TENM3: variants seen among roughly 807,000 people sequenced by gnomAD.
TENM3 encodes the protein teneurin-3.
In TENM3, 63 loss-of-function variants were observed where a neutral mutation model predicts 255.1. That is an observed-to-expected ratio of 0.25 (90% CI 0.20 to 0.30). The LOEUF is 0.30. Among genes scored for constraint, TENM3 ranks in the 10% least tolerant of loss-of-function variants. The probability of loss-of-function intolerance (pLI) is 1.00; values close to 1 mark genes in which losing one functional copy is unlikely to be tolerated. For missense variants in TENM3, 2,929 were observed against 3,461.1 expected (o/e 0.85, Z 3.86); for synonymous variants, 1,306 against 1,322.3 (o/e 0.99, Z 0.27).
At chr4:181,853,777 A>T in the TENM3 span, among the ~76,000 whole-genome samples, 4 of 152,238 alleles carry the variant, frequency 2.6e-5, no homozygotes, top group Non-Finnish European at 5.9e-5. Context: ...CGGAGGGTTA[A>T]GAGGAGGTGC....
At chr4:182,749,577 G>A (rs1762234157) in intron 19 of TENM3, among the ~76,000 whole-genome samples, 1 of 152,112 alleles carries the variant, frequency 6.6e-6, no homozygotes, top group Non-Finnish European at 1.5e-5. Flanking sequence ...TATATAGTTC[G>A]TGTAATCCTC....
chr4:182,784,811 G>A (rs577272987), intron 24 of TENM3, among the ~76,000 whole-genome samples: 132 of 152,190 alleles, frequency 8.7e-4, no homozygotes, highest in Non-Finnish European at 1.5e-3. Flanking sequence ...GGAGTGACCC[G>A]ATTTTCCAGG....
At chr4:182,631,447 G>A (rs1261918736) in intron 5 of TENM3, 1 of 152,036 alleles carries the variant, frequency 6.6e-6, no homozygotes, top group African/African-American at 2.4e-5. Context: ...TTTTTAATCA[G>A]GTAAAAAAAT....
At chr4:181,513,810 A>G in the TENM3 span, among the ~76,000 whole-genome samples, 2 of 152,310 alleles carry the variant, frequency 1.3e-5, no homozygotes, top group Middle Eastern at 3.4e-3. Flanking sequence ...CCTGAAGTTC[A>G]TACCGTTTAA....
At chr4:182,346,111 A>AG (rs1408090046) in intron 2 of TENM3, among the ~76,000 whole-genome samples, 11 of 152,094 alleles carry the variant, frequency 7.2e-5, no homozygotes, top group Admixed American at 2.0e-4. Flanking sequence ...ATACATACAA[A>AG]ATACTACGTG....
chr4:182,416,107 T>G (rs1770341129), intron 3 of TENM3, among the ~76,000 whole-genome samples: 1 of 152,214 alleles, frequency 6.6e-6, no homozygotes, highest in Non-Finnish European at 1.5e-5. Context: ...TTTGTGAAAA[T>G]TTGAATAATA....
At chr4:182,151,505 A>G (rs1436728586) in intron 1 of TENM3, among the ~76,000 whole-genome samples, 1 of 152,106 alleles carries the variant, frequency 6.6e-6, no homozygotes, top group African/African-American at 2.4e-5. Context: ...CTCTTAAGAA[A>G]ATTGGCACAG....
chr4:181,474,565 C>G, the TENM3 span, among the ~76,000 whole-genome samples: 1 of 151,926 alleles, frequency 6.6e-6, no homozygotes, highest in Admixed American at 6.6e-5. Context: ...GAAACGCCAT[C>G]TCTACTAAAA....
At chr4:182,256,301 G>T (rs971378998) in intron 1 of TENM3, among the ~76,000 whole-genome samples, 1 of 152,096 alleles carries the variant, frequency 6.6e-6, no homozygotes, top group Non-Finnish European at 1.5e-5. Flanking sequence ...TTCATTGTGG[G>T]GCTAGTTCCA....
At chr4:182,425,655 T>C (rs1365504864) in intron 3 of TENM3, among the ~76,000 whole-genome samples, 1 of 152,128 alleles carries the variant, frequency 6.6e-6, no homozygotes, top group African/African-American at 2.4e-5. Flanking sequence ...TGTATCAAAA[T>C]ATATTGCCCT....
chr4:181,891,991 G>A, the TENM3 span, among the ~76,000 whole-genome samples: 18 of 152,240 alleles, frequency 1.2e-4, no homozygotes, highest in Non-Finnish European at 1.8e-4. Flanking sequence ...ACCCTTTGAC[G>A]TTCTGCCATG....
intron 3 of TENM3, among the ~76,000 whole-genome samples, chr4:182,550,220 A>G (rs1376466656): frequency 3.3e-5 from 5 of 152,232 alleles, no homozygotes; most frequent in Non-Finnish European, 7.3e-5. Context: ...TCTTGTAGTC[A>G]TATGTATGTA....
At chr4:181,597,173 C>T in the TENM3 span, among the ~76,000 whole-genome samples, 1 of 152,138 alleles carries the variant, frequency 6.6e-6, no homozygotes, top group Non-Finnish European at 1.5e-5. Context: ...ATTAAATCCT[C>T]CTTGATCTTT....
At chr4:181,540,437 G>A in the TENM3 span, among the ~76,000 whole-genome samples, 1 of 152,102 alleles carries the variant, frequency 6.6e-6, no homozygotes, top group African/African-American at 2.4e-5. Flanking sequence ...CTTAAGTGCG[G>A]CTGTGAATAG....
chr4:181,513,625 G>T, the TENM3 span, among the ~76,000 whole-genome samples: 1 of 152,196 alleles, frequency 6.6e-6, no homozygotes, highest in Non-Finnish European at 1.5e-5. Context: ...CAAACTTCTG[G>T]CCTAATAAAA....
chr4:182,465,338 G>C (rs1243819116), intron 3 of TENM3, among the ~76,000 whole-genome samples: 1 of 152,112 alleles, frequency 6.6e-6, no homozygotes, highest in African/African-American at 2.4e-5. Context: ...GAGGACTTCA[G>C]GAAGGGGACT....
intron 3 of TENM3, among the ~76,000 whole-genome samples, chr4:182,380,720 G>A (rs890421541): frequency 1.6e-4 from 24 of 152,156 alleles, no homozygotes; most frequent in African/African-American, 5.6e-4. Flanking sequence ...GAGAATGTAT[G>A]CTGCTCACAA....
chr4:181,913,254 T>G, the TENM3 span, among the ~76,000 whole-genome samples: 1 of 152,106 alleles, frequency 6.6e-6, no homozygotes, highest in Admixed American at 6.5e-5. Flanking sequence ...ATTTGAGATA[T>G]AAAATATACC....
At chr4:181,487,795 C>T in the TENM3 span, among the ~76,000 whole-genome samples, 1 of 151,938 alleles carries the variant, frequency 6.6e-6, no homozygotes, top group African/African-American at 2.4e-5. Flanking sequence ...GCATTAGATC[C>T]AGACCCCTAT....
Sources: gnomAD v4.1 joint callset for allele counts (sites outside exome capture counted in the v4.1 genomes callset) on GRCh38, gnomAD v4.1.1 for gene constraint, MANE v1.5 for transcripts, NCBI Gene and HGNC (gene_info 2026-07-23, HGNC 2026-07-21) for gene names.